The following NXPE2 variants were observed in gnomAD, a reference collection of about 807,000 sequenced individuals.
NXPE2 encodes the protein neurexophilin and PC-esterase domain family member 2.
NXPE2 carries 34 observed loss-of-function variants against 34.4 expected under a neutral mutation model. The ratio of observed to expected loss-of-function variants is 0.99; its 90% confidence interval spans 0.75 to 1.31. NXPE2 has a LOEUF of 1.31. Ranked by LOEUF, NXPE2 falls within the 40% of genes most tolerant of loss-of-function variation. NXPE2 has a pLI of 0.00. For synonymous variants in NXPE2, 235 were observed against 231.3 expected (o/e 1.02, Z -0.15); for missense variants, 649 against 672.5 (o/e 0.97, Z 0.39).
the NXPE2 span, among the ~76,000 whole-genome samples, chr11:114,749,270 TA>T: frequency 6.6e-6 from 1 of 152,236 alleles, no homozygotes; most frequent in Admixed American, 6.5e-5. Flanking sequence ...TTCATTCATG[TA>T]TATCTAATCC....
At chr11:114,555,936 G>A in the NXPE2 span, among the ~76,000 whole-genome samples, 1 of 152,140 alleles carries the variant, frequency 6.6e-6, no homozygotes, top group African/African-American at 2.4e-5. Context: ...TTTAAAGATT[G>A]GGGCTATTGT....
the NXPE2 span, among the ~76,000 whole-genome samples, chr11:114,632,893 TTTTATGTA>T: frequency 1.2e-5 from 1 of 85,036 alleles, no homozygotes; most frequent in Non-Finnish European, 2.0e-5. Flanking sequence ...TATTATATAA[TTTTATGTA>T]ATACAATATT....
the NXPE2 span, among the ~76,000 whole-genome samples, chr11:114,485,018 T>C: frequency 2.0e-5 from 3 of 152,280 alleles, no homozygotes; most frequent in African/African-American, 7.2e-5. Flanking sequence ...AGGGTTGTTT[T>C]GATTCCAAAT....
the NXPE2 span, among the ~76,000 whole-genome samples, chr11:114,598,044 A>G: frequency 6.6e-6 from 1 of 152,168 alleles, no homozygotes; most frequent in African/African-American, 2.4e-5. Context: ...CAAGTTAGTT[A>G]CTTCCAAGAT....
the NXPE2 span, among the ~76,000 whole-genome samples, chr11:114,806,413 T>G: frequency 6.8e-6 from 1 of 146,306 alleles, no homozygotes; most frequent in African/African-American, 2.5e-5. Flanking sequence ...CAGAAGGAAA[T>G]TCGAACCAAT....
the NXPE2 span, among the ~76,000 whole-genome samples, chr11:114,506,296 C>A: frequency 2.0e-5 from 3 of 152,040 alleles, no homozygotes; most frequent in African/African-American, 7.3e-5. Flanking sequence ...GACTTTAATG[C>A]CCCACTGACA....
At chr11:114,612,642 G>T in the NXPE2 span, among the ~76,000 whole-genome samples, 2 of 151,792 alleles carry the variant, frequency 1.3e-5, no homozygotes, top group African/African-American at 4.8e-5. Context: ...ATTGCCTCGT[G>T]GGTAACCACG....
At chr11:114,631,416 C>T in the NXPE2 span, among the ~76,000 whole-genome samples, 45 of 150,794 alleles carry the variant, frequency 3.0e-4, no homozygotes, top group African/African-American at 9.3e-4. Flanking sequence ...AGTAAACTAT[C>T]GCAAGAACAA....
At chr11:114,621,528 C>G in the NXPE2 span, among the ~76,000 whole-genome samples, 1 of 152,152 alleles carries the variant, frequency 6.6e-6, no homozygotes, top group Non-Finnish European at 1.5e-5. Flanking sequence ...TGTGTAACCA[C>G]TGTTAAACAG....
chr11:114,807,771 T>C, the NXPE2 span, among the ~76,000 whole-genome samples: 1 of 151,718 alleles, frequency 6.6e-6, no homozygotes, highest in South Asian at 2.1e-4. Context: ...CTGTCAACAT[T>C]AGACAGATCA....
At chr11:114,764,637 G>A in the NXPE2 span, among the ~76,000 whole-genome samples, 1 of 152,084 alleles carries the variant, frequency 6.6e-6, no homozygotes, top group Non-Finnish European at 1.5e-5. Context: ...GAATCACTTG[G>A]ATGTTACTCA....
the NXPE2 span, among the ~76,000 whole-genome samples, chr11:114,505,360 C>A: frequency 6.6e-6 from 1 of 152,092 alleles, no homozygotes; most frequent in Non-Finnish European, 1.5e-5. Flanking sequence ...CATTCAAATT[C>A]GGGAAATGCA....
the NXPE2 span, among the ~76,000 whole-genome samples, chr11:114,567,302 C>T: frequency 1.3e-5 from 2 of 152,024 alleles, no homozygotes; most frequent in East Asian, 3.9e-4. Context: ...CATCTTTGTC[C>T]TAGGCCCTCA....
chr11:114,594,225 T>C, the NXPE2 span, among the ~76,000 whole-genome samples: 2 of 152,182 alleles, frequency 1.3e-5, no homozygotes, highest in African/African-American at 4.8e-5. Flanking sequence ...CTTGAGGCAA[T>C]GAATACCCCA....
chr11:114,729,408 T>C, the NXPE2 span, among the ~76,000 whole-genome samples: 1 of 152,186 alleles, frequency 6.6e-6, no homozygotes, highest in Admixed American at 6.5e-5. Flanking sequence ...TAATTCATTT[T>C]CTTTCAGATA....
At chr11:114,757,783 A>G in the NXPE2 span, among the ~76,000 whole-genome samples, 1 of 152,172 alleles carries the variant, frequency 6.6e-6, no homozygotes, top group African/African-American at 2.4e-5. Context: ...CTTAGACTAG[A>G]ACTCTATGGA....
the NXPE2 span, among the ~76,000 whole-genome samples, chr11:114,538,543 T>G: frequency 6.6e-6 from 1 of 152,228 alleles, no homozygotes; most frequent in Admixed American, 6.5e-5. Context: ...GATAAAGGGC[T>G]AATATCCAGA....
chr11:114,620,888 C>T, the NXPE2 span, among the ~76,000 whole-genome samples: 20 of 151,102 alleles, frequency 1.3e-4, no homozygotes, highest in South Asian at 2.5e-3. Context: ...TATTGCCTCA[C>T]GGGTAACCAC....
chr11:114,548,140 G>A, the NXPE2 span, among the ~76,000 whole-genome samples: 1 of 152,070 alleles, frequency 6.6e-6, no homozygotes, highest in African/African-American at 2.4e-5. Context: ...TAAAACACAA[G>A]CAATGAATAT....
Sources: allele counts gnomAD v4.1 joint callset (sites outside exome capture counted in the v4.1 genomes callset), GRCh38; gene constraint gnomAD v4.1.1; transcripts MANE v1.5; gene names NCBI Gene and HGNC (gene_info 2026-07-23, HGNC 2026-07-21).